The following CCDC74A variants were observed in gnomAD, a reference collection of about 807,000 sequenced individuals.
CCDC74A encodes the protein coiled-coil domain containing 74A, also known as coiled-coil domain-containing protein 74A.
In CCDC74A, 38 loss-of-function variants were observed where a neutral mutation model predicts 37.6. The observed-to-expected ratio is 1.01, with a 90% confidence interval of 0.78 to 1.33. The LOEUF is 1.33. Ranked by LOEUF, CCDC74A falls within the 40% of genes most tolerant of loss-of-function variation. The pLI is 0.00. For missense variants in CCDC74A, 340 were observed against 403.4 expected, an observed-to-expected ratio of 0.84 and a Z score of 1.35; for synonymous variants, 134 against 165.2, an observed-to-expected ratio of 0.81 and a Z score of 1.45.
upstream of CCDC74A, among the ~76,000 whole-genome samples, chr2:131,525,711 C>CTTTTTTTTTTTTTTTTTTTTT (rs58721770): frequency 3.2e-5 from 2 of 63,454 alleles, no homozygotes; most frequent in African/African-American, 1.5e-4. Flanking sequence ...CTATGCCTGC[C>CTTTTTTTTTTTTTTTTTTTTT]TTTTTTTTTT....
rs1681730025 is a variant in CCDC74A at position 131,533,346 on chromosome 2, A to G, written c.887A>G (p.Gln296Arg). 1 of 1,613,526 alleles carries G rather than the reference A, an allele frequency of 6.2e-7. No homozygotes were observed. Among genetic ancestry groups the G allele is most frequent in the South Asian group, 1.1e-5 (1 of 91,076 alleles). The change falls in exon 8 of 8, where the codon CAG (glutamine) becomes CGG (arginine). Residue 296 changes from glutamine (Q) to arginine (R), a missense_variant. Gln to Arg is a conservative substitution (Grantham distance 43). Around this residue, in one of 3 missense-constraint regions of CCDC74A, gnomAD observed 185 missense variants for 231.5 expected, o/e 0.80. Coordinates refer to ENST00000409856, the MANE Select transcript of CCDC74A (RefSeq NM_001258306.3). ...QTPKNNFAER[Q>R]KRLQAMQKRR... ...CCGAAGAACAACTTTGCCGAGAGGC[A>G]GAAGAGGCTGCAGGCAATGCAGAAA...
At position 131,533,588 on chromosome 2, in the gene CCDC74A, G is replaced by A; in HGVS notation, c.*190G>A. ...TTTTCTAGCTGTTATTTTGCTATTT[G>A]GCATTTACATAAAAGCACACGATGA... is the stretch of plus-strand genomic sequence containing the variant. On this transcript the variant is annotated 3_prime_UTR_variant, in exon 8 of 8. Transcript: ENST00000409856. The A allele has an allele frequency of 1.3e-6, 1 of 777,474 alleles. No individual in the cohort carries two copies. The highest frequency in any genetic ancestry group is 2.0e-6 in the Non-Finnish European group (1 of 498,252). 48.2% of individuals were successfully genotyped at this position (777,474 alleles called of 1,614,324 possible). A position where few individuals can be genotyped will look rare whatever the true frequency, so the allele number is the denominator to read the frequency against.
chr2:131,530,764 C>G lies in CCDC74A; in HGVS notation c.296-13C>G. On this transcript the variant is annotated splice_polypyrimidine_tract_variant and intron_variant, in intron 2 of 7. Coordinates refer to ENST00000409856, the MANE Select transcript of CCDC74A (RefSeq NM_001258306.3). ...TGCGGGCGGTAGCGCCGACACTGTG[C>G]GCTCTCCTGCAGACAGCCTCTCCAT... is the stretch of plus-strand genomic sequence containing the variant. The G allele has an allele frequency of 6.2e-7, 1 of 1,612,466 alleles. No individual in the cohort carries two copies. Among genetic ancestry groups the G allele is most frequent in the African/African-American group, 1.3e-5 (1 of 74,558 alleles).
chr2:131,528,232 C>A lies in CCDC74A; in HGVS notation c.250+12C>A, dbSNP rs1273845111. On this transcript the variant is annotated intron_variant, in intron 1 of 7. Coordinates refer to ENST00000409856, the MANE Select transcript of CCDC74A (RefSeq NM_001258306.3). ...GCGGGAAAACAAGGGTGAGCCGGCG[C>A]GGGGCCCTAGGCCGGCCCTGCCTCC... is the stretch of plus-strand genomic sequence containing the variant. The A allele has an allele frequency of 3.7e-6, 6 of 1,610,644 alleles. No individual in the cohort carries two copies. In the African/African-American group the frequency reaches 8.0e-5, roughly 22 times the overall value.
rs1043917894 is a variant in CCDC74A, at chr2:131,531,670, C to T, written c.353C>T (p.Ala118Val). 6.5e-7 allele frequency: 1 copy of T among 1,536,498 alleles called. No individual in the cohort carries two copies. Among genetic ancestry groups the T allele is most frequent in the South Asian group, 1.2e-5 (1 of 84,378 alleles). The change falls in exon 4 of 8, where the codon GCC (alanine) becomes GTC (valine). Residue 118 changes from alanine to valine, a missense_variant. By Grantham distance (64) the Ala-to-Val change is moderately conservative (BLOSUM62 0). Transcript: ENST00000409856. ...CTTGCAGCCAACTCTCAAGGCAAGG[C>T]CAGGCCCCAGCCCGGCTCCTTCAAC... is the stretch of plus-strand genomic sequence containing the variant. ...SVKSISNSGK[A>V]RPQPGSFNKQ... is the part of the protein sequence containing the mutation.
chr2:131,528,097 C>G lies in CCDC74A; in HGVS notation c.127C>G (p.Gln43Glu), dbSNP rs1284670758. ...SLRPQSPQLR[Q>E]SDPQKRNLDL... ...GAGGCCGCAGAGCCCGCAGCTCAGG[C>G]AGAGCGACCCGCAGAAACGGAACCT... Residue 43 changes from glutamine to glutamate, a missense_variant, in exon 1 of 8, where the codon CAG becomes GAG. Physicochemically the swap from Gln to Glu is conservative, Grantham distance 29. Transcript: ENST00000409856. The G allele has an allele frequency of 6.2e-7, 1 of 1,613,314 alleles. No individual in the cohort carries two copies. Among genetic ancestry groups the G allele is most frequent in the Admixed American group, 1.7e-5 (1 of 59,964 alleles).
chr2:131,527,511 A>AT (rs980606225), upstream of CCDC74A, among the ~76,000 whole-genome samples: 15 of 150,814 alleles, frequency 9.9e-5, no homozygotes, highest in African/African-American at 3.4e-4. Flanking sequence ...TTTTATTATT[A>AT]TTTTTTTAGA....
chr2:131,527,682 T>C (rs1459130653), upstream of CCDC74A: 6 of 417,062 alleles, frequency 1.4e-5, no homozygotes, highest in African/African-American at 8.4e-5. Context: ...TTTAGTAGAG[T>C]TGGGGTTTCG....
chr2:131,525,772 G>A (rs1680282486), upstream of CCDC74A, among the ~76,000 whole-genome samples: 1 of 133,190 alleles, frequency 7.5e-6, no homozygotes, highest in Non-Finnish European at 1.5e-5. Context: ...AGGCTGGAGT[G>A]CAGTGGTACC....
At chr2:131,528,400 G>A (rs1680558461) in intron 1 of CCDC74A, 180 bp downstream of exon 1, 1 of 1,550,530 alleles carries the variant, frequency 6.4e-7, no homozygotes, top group Non-Finnish European at 8.7e-7. Context: ...GGAGACCCGC[G>A]TGGCCCCCGG....
At chr2:131,527,664 T>G, upstream of CCDC74A, 23 of 357,372 alleles carry the variant, frequency 6.4e-5, no homozygotes, top group East Asian at 2.1e-4. Flanking sequence ...CCGGCTACAT[T>G]TTGTATTTTT....
At chr2:131,532,028 A>G (rs1229145392) in intron 4 of CCDC74A, among the ~76,000 whole-genome samples, 1 of 150,122 alleles carries the variant, frequency 6.7e-6, no homozygotes, top group South Asian at 2.1e-4. Context: ...CCTGCAGAGT[A>G]CCTGTGCTGA....
upstream of CCDC74A, among the ~76,000 whole-genome samples, chr2:131,527,004 G>A (rs923679452): frequency 6.6e-6 from 1 of 150,738 alleles, no homozygotes; most frequent in Non-Finnish European, 1.5e-5. Context: ...CTGGTATCTG[G>A]CAAAATTATG....
chr2:131,528,195 C>T lies in CCDC74A; in HGVS notation c.225C>T (p.Ile75=), dbSNP rs142090969. Residue 75 remains isoleucine (I), a synonymous_variant, in exon 1 of 8, where the codon ATC becomes ATT. Coordinates refer to ENST00000409856, the MANE Select transcript of CCDC74A (RefSeq NM_001258306.3). Reference sequence around the variant, plus strand: ...TGCTGGCCAAGCTCCATGAGGAGATCGAGCATCTGAAGCGGGAAAACAAGG... The same window carrying T: ...TGCTGGCCAAGCTCCATGAGGAGATTGAGCATCTGAAGCGGGAAAACAAGG... The part of the protein sequence containing the change: ...SEMLAKLHEE[I]EHLKRENKDL... 65 of 1,613,380 alleles carry T rather than the reference C, an allele frequency of 4.0e-5. No homozygotes were observed. The African/African-American group carries it at 5.5e-4, about 14-fold the overall frequency.
chr2:131,530,940 A>G (rs1681181471), intron 3 of CCDC74A, 113 bp downstream of exon 3: 1 of 1,301,754 alleles, frequency 7.7e-7, no homozygotes, highest in Admixed American at 2.6e-5. Flanking sequence ...AAGCTCCAGG[A>G]TTTGGGGATG....
At chr2:131,526,718 G>A (rs1680342598), upstream of CCDC74A, among the ~76,000 whole-genome samples, 1 of 152,202 alleles carries the variant, frequency 6.6e-6, no homozygotes, top group African/African-American at 2.4e-5. Context: ...GACTTTCTGT[G>A]TGAAGTTTTA....
At chr2:131,526,802 A>G (rs1680347172), upstream of CCDC74A, among the ~76,000 whole-genome samples, 2 of 152,110 alleles carry the variant, frequency 1.3e-5, no homozygotes, top group South Asian at 2.1e-4. Context: ...AACCTCCTCT[A>G]GTGTCTTAGT....
chr2:131,533,199 T>C (rs2104835456), intron 7 of CCDC74A, 70 bp from the exon 8 acceptor site: 4 of 1,608,054 alleles, frequency 2.5e-6, no homozygotes, highest in Non-Finnish European at 3.4e-6. Flanking sequence ...GTGAGGGCCA[T>C]GCAGGCCGCA....
upstream of CCDC74A, among the ~76,000 whole-genome samples, chr2:131,526,146 CTTTTTTTTT>C (rs369118247): frequency 7.9e-6 from 1 of 126,592 alleles, no homozygotes; most frequent in Non-Finnish European, 1.6e-5. Flanking sequence ...CTTTTTTTTC[CTTTTTTTTT>C]TTTTTTTCTG....
Sources: gnomAD v4.1 joint callset for allele counts (sites outside exome capture counted in the v4.1 genomes callset) on GRCh38, gnomAD v4.1.1 for gene constraint, gnomAD v4.1.1 regional missense constraint, MANE v1.5 for transcripts, NCBI Gene and HGNC (gene_info 2026-07-23, HGNC 2026-07-21) for gene names.